Variants in TSHZ2 observed in about 807,000 individuals in gnomAD.
TSHZ2 encodes teashirt homolog 2.
Under a neutral mutation model 74.4 loss-of-function variants are expected in TSHZ2, and 21 were observed. The observed-to-expected ratio is 0.28, with a 90% CI of 0.20 to 0.41. The LOEUF (loss-of-function observed/expected upper bound fraction) is 0.41, where lower values mean the gene tolerates loss of function less well. Among genes scored for constraint, TSHZ2 ranks in the 10% least tolerant of loss-of-function variants. The pLI, the probability that TSHZ2 is intolerant of heterozygous loss-of-function variation, is 1.00. For missense variants in TSHZ2, 1,244 were observed against 1,293.5 expected (o/e 0.96, Z 0.59); for synonymous variants, 540 against 515.3 (o/e 1.05, Z -0.65).
intron 2 of TSHZ2, among the ~76,000 whole-genome samples, chr20:53,391,228 G>A (rs560154813): frequency 2.0e-5 from 3 of 152,166 alleles, no homozygotes; most frequent in Admixed American, 2.0e-4. Context: ...CTCACTGCAA[G>A]CTCCGCCTCC....
intron 1 of TSHZ2, among the ~76,000 whole-genome samples, chr20:53,128,942 G>C (rs542231162): frequency 6.6e-6 from 1 of 151,986 alleles, no homozygotes; most frequent in Non-Finnish European, 1.5e-5. Context: ...TTCCATATGC[G>C]CCAGGAGAAA....
intron 1 of TSHZ2, among the ~76,000 whole-genome samples, chr20:53,140,088 G>A (rs1391918459): frequency 6.6e-6 from 1 of 152,078 alleles, no homozygotes; most frequent in Admixed American, 6.5e-5. Context: ...AGTGCACAGT[G>A]TTGAACAAGA....
chr20:53,419,546 G>A (rs1191628920), intron 2 of TSHZ2, among the ~76,000 whole-genome samples: 1 of 152,154 alleles, frequency 6.6e-6, no homozygotes, highest in Non-Finnish European at 1.5e-5. Flanking sequence ...GAAAGGTGAG[G>A]TATAGACATT....
intron 1 of TSHZ2, among the ~76,000 whole-genome samples, chr20:53,079,509 C>A (rs1265513135): frequency 2.0e-5 from 3 of 152,158 alleles, no homozygotes; most frequent in Admixed American, 2.0e-4. Flanking sequence ...CAGAATAATC[C>A]TGTGTATTGG....
At chr20:53,449,238 G>A (rs1984676903) in intron 2 of TSHZ2, among the ~76,000 whole-genome samples, 1 of 152,174 alleles carries the variant, frequency 6.6e-6, no homozygotes, top group African/African-American at 2.4e-5. Context: ...CCATACCTGG[G>A]ATATTTTGTG....
At chr20:53,478,579 G>C (rs550093124) in intron 2 of TSHZ2, among the ~76,000 whole-genome samples, 3 of 151,334 alleles carry the variant, frequency 2.0e-5, no homozygotes, top group African/African-American at 7.3e-5. Context: ...GAGTTGGTGG[G>C]TGCAGCGCAC....
In TSHZ2 at chr20:53,433,436, G is replaced by C. The variant is rs553227146; in HGVS notation, c.*9-53708G>C. ...ACCTGTAGTCCCAGCAACTCAGAAG[G>C]CTGAGGCTGGTGGAGGATCGCTTGA... On this transcript the variant is annotated intron_variant, in intron 2 of 2. Transcript: ENST00000371497. Among the ~76,000 whole-genome samples, 21 of 64,786 alleles carry C rather than the reference G, an allele frequency of 3.2e-4. 1 individual carries two copies. In the South Asian group the frequency reaches 0.011, roughly 35 times the overall value. The allele number at this position is 64,786 out of a possible 152,430, so 42.5% of individuals were successfully genotyped here.
At chr20:53,095,529 A>T (rs1986012744) in intron 1 of TSHZ2, among the ~76,000 whole-genome samples, 1 of 151,794 alleles carries the variant, frequency 6.6e-6, no homozygotes, top group Admixed American at 6.6e-5. Flanking sequence ...CAGCATGAAT[A>T]GGTGGCAGGG....
At chr20:52,981,513 T>C (rs1185223991) in intron 1 of TSHZ2, among the ~76,000 whole-genome samples, 1 of 152,168 alleles carries the variant, frequency 6.6e-6, no homozygotes, top group Non-Finnish European at 1.5e-5. Flanking sequence ...AGTGTGTCTT[T>C]ACCCTGAATA....
At chr20:53,460,009 T>G (rs555339121) in intron 2 of TSHZ2, among the ~76,000 whole-genome samples, 1 of 152,244 alleles carries the variant, frequency 6.6e-6, no homozygotes, top group East Asian at 1.9e-4. Context: ...TCATTTCAAC[T>G]CTGGTGAATC....
chr20:53,478,570 A>T (rs1986052959), intron 2 of TSHZ2, among the ~76,000 whole-genome samples: 1 of 151,106 alleles, frequency 6.6e-6, no homozygotes, highest in Non-Finnish European at 1.5e-5. Context: ...CTAGATGACG[A>T]GTTGGTGGGT....
intron 2 of TSHZ2, among the ~76,000 whole-genome samples, chr20:53,482,108 TAAAAAAA>T (rs570413572): frequency 0.27 from 20,444 of 74,454 alleles, 1,511 homozygotes; most frequent in East Asian, 0.42. Flanking sequence ...CTCCATCTCA[TAAAAAAA>T]AAAAAAAAAA....
intron 2 of TSHZ2, among the ~76,000 whole-genome samples, chr20:53,368,923 C>G (rs1981370263): frequency 6.6e-6 from 1 of 152,050 alleles, no homozygotes; most frequent in African/African-American, 2.4e-5. Context: ...GAACTGGGTT[C>G]AGTAGCAACA....
intron 2 of TSHZ2, among the ~76,000 whole-genome samples, chr20:53,401,774 CTTTTTT>C (rs59656180): frequency 4.2e-5 from 4 of 94,850 alleles, no homozygotes; most frequent in African/African-American, 1.9e-4. Flanking sequence ...AACACATTTT[CTTTTTT>C]TTTTTTTTTT....
chr20:53,246,325 G>A (rs1365535489), intron 1 of TSHZ2, among the ~76,000 whole-genome samples: 2 of 152,148 alleles, frequency 1.3e-5, no homozygotes, highest in Admixed American at 6.5e-5. Flanking sequence ...TTACAGGCGT[G>A]AGCCACTGCA....
At chr20:53,415,215 C>A (rs191953879) in intron 2 of TSHZ2, among the ~76,000 whole-genome samples, 1 of 152,316 alleles carries the variant, frequency 6.6e-6, no homozygotes, top group East Asian at 1.9e-4. Flanking sequence ...AAAACTTACA[C>A]AATCAACACA....
intron 1 of TSHZ2, among the ~76,000 whole-genome samples, chr20:53,116,911 A>G (rs1373365193): frequency 6.6e-6 from 1 of 152,182 alleles, no homozygotes; most frequent in Non-Finnish European, 1.5e-5. Flanking sequence ...TAAATATTCC[A>G]GAGGCTGGAA....
intron 2 of TSHZ2, among the ~76,000 whole-genome samples, chr20:53,484,363 C>CACTT: frequency 6.7e-6 from 1 of 149,094 alleles, no homozygotes. Flanking sequence ...TAGGACAAGT[C>CACTT]ACTTACTTTT....
At chr20:53,436,542 A>T (rs145626505) in intron 2 of TSHZ2, among the ~76,000 whole-genome samples, 49,261 of 94,896 alleles carry the variant, frequency 0.52, 13,410 homozygotes, top group East Asian at 0.68. Context: ...TATTATTATT[A>T]TTATTATTTT....
Sources: allele counts gnomAD v4.1 joint callset (sites outside exome capture counted in the v4.1 genomes callset), GRCh38; gene constraint gnomAD v4.1.1; transcripts MANE v1.5; gene names NCBI Gene and HGNC (gene_info 2026-07-23, HGNC 2026-07-21).